The following MECOM variants were observed in gnomAD, a reference collection of about 807,000 sequenced individuals.
MECOM encodes the protein histone-lysine N-methyltransferase MECOM.
Under a neutral mutation model 116.3 loss-of-function variants are expected in MECOM, and 13 were observed. That is an observed-to-expected ratio of 0.11 (90% CI 0.07 to 0.18). The LOEUF (loss-of-function observed/expected upper bound fraction) is 0.18, where lower values mean the gene tolerates loss of function less well. Ranked by LOEUF, MECOM falls within the 10% of genes least tolerant of loss-of-function variation. MECOM has a pLI of 1.00. For missense variants in MECOM, 1,299 were observed against 1,509.0 expected (o/e 0.86, Z 2.31); for synonymous variants, 528 against 535.2 (o/e 0.99, Z 0.19).
At chr3:169,394,009 A>C (rs2108352442) in intron 1 of MECOM, among the ~76,000 whole-genome samples, 1 of 152,294 alleles carries the variant, frequency 6.6e-6, no homozygotes, top group South Asian at 2.1e-4. Context: ...AAAAGCACAT[A>C]ATGTTAAGAA....
At chr3:169,583,936 A>C (rs1324031164) in intron 1 of MECOM, among the ~76,000 whole-genome samples, 1 of 152,144 alleles carries the variant, frequency 6.6e-6, no homozygotes, top group Non-Finnish European at 1.5e-5. Context: ...TATTTGAGAA[A>C]TATTTACCGT....
At chr3:169,180,556 A>T (rs1460612646) in intron 2 of MECOM, among the ~76,000 whole-genome samples, 1 of 151,892 alleles carries the variant, frequency 6.6e-6, no homozygotes, top group Non-Finnish European at 1.5e-5. Context: ...TCACCTCCTC[A>T]TACATTTCAA....
chr3:169,590,397 G>A (rs948416554), intron 1 of MECOM, among the ~76,000 whole-genome samples: 11 of 152,184 alleles, frequency 7.2e-5, no homozygotes, highest in Non-Finnish European at 1.3e-4. Context: ...TGCCCACACC[G>A]ATACATGAGC....
At chr3:169,587,046 C>A (rs1765857217) in intron 1 of MECOM, among the ~76,000 whole-genome samples, 2 of 152,140 alleles carry the variant, frequency 1.3e-5, no homozygotes, top group African/African-American at 4.8e-5. Flanking sequence ...AACAGCAGTG[C>A]AGTTATTATC....
intron 1 of MECOM, among the ~76,000 whole-genome samples, chr3:169,622,356 T>G (rs1340410531): frequency 2.0e-5 from 3 of 152,208 alleles, no homozygotes; most frequent in Non-Finnish European, 4.4e-5. Flanking sequence ...CCTCCCAAAG[T>G]GCTGAGATTA....
intron 9 of MECOM, among the ~76,000 whole-genome samples, chr3:169,110,239 T>C (rs1297529147): frequency 2.0e-5 from 3 of 152,162 alleles, no homozygotes; most frequent in African/African-American, 7.2e-5. Context: ...ACAATAAGCA[T>C]CTTTTCAAGC....
At chr3:169,628,927 T>C (rs1771729207) in intron 1 of MECOM, among the ~76,000 whole-genome samples, 3 of 152,088 alleles carry the variant, frequency 2.0e-5, no homozygotes, top group Admixed American at 2.0e-4. Context: ...TTTTGGCCAC[T>C]CCACTTTAGG....
chr3:169,382,879 A>AG (rs1553834042), intron 1 of MECOM, among the ~76,000 whole-genome samples: 1 of 138,514 alleles, frequency 7.2e-6, no homozygotes, highest in Admixed American at 7.3e-5. Context: ...AAAAATAAAA[A>AG]AAGAAGGTAA....
At chr3:169,122,766 C>G in intron 5 of MECOM, 39 bp from the exon 6 acceptor site, 1 of 1,596,260 alleles carries the variant, frequency 6.3e-7, no homozygotes, top group Non-Finnish European at 8.6e-7. Context: ...ACAAAGGATG[C>G]ATTCATAAAC....
intron 2 of MECOM, among the ~76,000 whole-genome samples, chr3:169,356,434 G>A (rs1025251462): frequency 2.0e-5 from 3 of 151,974 alleles, no homozygotes; most frequent in South Asian, 4.2e-4. Context: ...CAAAATCAAC[G>A]TAGTGTAACT....
At chr3:169,354,961 A>C (rs973229116) in intron 2 of MECOM, among the ~76,000 whole-genome samples, 2 of 151,898 alleles carry the variant, frequency 1.3e-5, no homozygotes, top group Non-Finnish European at 2.9e-5. Context: ...GCAGCTCTGC[A>C]CAACTCTATT....
At chr3:169,360,314 T>TAAA (rs1560173947) in intron 2 of MECOM, among the ~76,000 whole-genome samples, 3 of 72,038 alleles carry the variant, frequency 4.2e-5, no homozygotes, top group African/African-American at 5.8e-5. Flanking sequence ...AAAAAAAAGT[T>TAAA]ACACCAAAAA....
At chr3:169,341,749 A>AAAAAAAG (rs1318803159) in intron 2 of MECOM, among the ~76,000 whole-genome samples, 1 of 151,822 alleles carries the variant, frequency 6.6e-6, no homozygotes, top group African/African-American at 2.4e-5. Flanking sequence ...CAAAAAAAAA[A>AAAAAAAG]AAAGAACAAA....
In MECOM at chr3:169,430,951, C is replaced by T. The variant is rs76570219; in HGVS notation, c.38-49427G>A. ...ATGCCAAGTCATTCTAAATAAATCCCCCAGCTGCAGTAGAATTTTACACAT... is the reference window on the plus strand; with the variant it reads ...ATGCCAAGTCATTCTAAATAAATCCTCCAGCTGCAGTAGAATTTTACACAT... On this transcript the variant is annotated intron_variant, in intron 1 of 16. Transcript: ENST00000651503. Among the ~76,000 whole-genome samples the T allele has an allele frequency of 1.8e-3, 267 of 152,252 alleles. 8 individuals are homozygous for T. Among genetic ancestry groups the T allele is most frequent in the East Asian group, 0.017 (86 of 5,186 alleles).
intron 4 of MECOM, among the ~76,000 whole-genome samples, chr3:169,129,295 G>C (rs1268835835): frequency 6.6e-6 from 1 of 151,948 alleles, no homozygotes; most frequent in Non-Finnish European, 1.5e-5. Flanking sequence ...TAAGGGAGGA[G>C]TGGAAAATGA....
intron 2 of MECOM, among the ~76,000 whole-genome samples, chr3:169,300,865 T>A (rs1466905674): frequency 6.6e-6 from 1 of 152,176 alleles, no homozygotes; most frequent in Non-Finnish European, 1.5e-5. Flanking sequence ...GAGCCTGGGG[T>A]TCTATTAGCT....
chr3:169,456,302 G>C (rs1746484032), intron 1 of MECOM, among the ~76,000 whole-genome samples: 1 of 152,172 alleles, frequency 6.6e-6, no homozygotes, highest in Middle Eastern at 3.2e-3. Context: ...ACAATATAGA[G>C]ATGGGGGGAT....
chr3:169,337,329 C>G (rs2149784840), intron 2 of MECOM, among the ~76,000 whole-genome samples: 1 of 152,280 alleles, frequency 6.6e-6, no homozygotes, highest in South Asian at 2.1e-4. Flanking sequence ...CTGAATGACT[C>G]TCTGTGATTT....
chr3:169,333,846 C>T (rs1437872236), intron 2 of MECOM, among the ~76,000 whole-genome samples: 1 of 144,798 alleles, frequency 6.9e-6, no homozygotes. Flanking sequence ...CCTACCTCCC[C>T]GCCTTCCTTC....
Sources: allele counts gnomAD v4.1 joint callset (sites outside exome capture counted in the v4.1 genomes callset), GRCh38; gene constraint gnomAD v4.1.1; transcripts MANE v1.5; gene names NCBI Gene and HGNC (gene_info 2026-07-23, HGNC 2026-07-21).